Variants in TSHZ2 observed in about 807,000 individuals in gnomAD.
The protein encoded by TSHZ2 is teashirt zinc finger homeobox 2.
TSHZ2 carries 21 observed loss-of-function variants against 74.4 expected under a neutral mutation model. That is an observed-to-expected ratio of 0.28 (90% CI 0.20 to 0.41). The LOEUF (loss-of-function observed/expected upper bound fraction) is 0.41, where lower values mean the gene tolerates loss of function less well. Ranked by LOEUF, TSHZ2 falls within the 10% of genes least tolerant of loss-of-function variation. TSHZ2 has a pLI of 1.00. For missense variants in TSHZ2, 1,244 were observed against 1,293.5 expected, an observed-to-expected ratio of 0.96 and a Z score of 0.59; for synonymous variants, 540 against 515.3, an observed-to-expected ratio of 1.05 and a Z score of -0.65.
intron 2 of TSHZ2, among the ~76,000 whole-genome samples, chr20:53,483,517 C>A (rs945928708): frequency 1.3e-5 from 2 of 151,994 alleles, no homozygotes; most frequent in African/African-American, 4.8e-5. Flanking sequence ...TCCCCCACCT[C>A]CCCCATCCCC....
chr20:53,479,731 C>T (rs1301008706), intron 2 of TSHZ2, among the ~76,000 whole-genome samples: 4 of 152,176 alleles, frequency 2.6e-5, no homozygotes, highest in African/African-American at 9.7e-5. Flanking sequence ...TCCTCCACGC[C>T]CAATGGGCAT....
chr20:53,085,990 C>T (rs138357011), intron 1 of TSHZ2, among the ~76,000 whole-genome samples: 11 of 152,288 alleles, frequency 7.2e-5, no homozygotes, highest in African/African-American at 2.4e-4. Flanking sequence ...GTGCATGTGG[C>T]ATGGTCTCCA....
intron 1 of TSHZ2, among the ~76,000 whole-genome samples, chr20:53,250,835 G>GAA (rs561849899): frequency 4.0e-5 from 5 of 125,836 alleles, no homozygotes; most frequent in African/African-American, 8.8e-5. Context: ...ATGTCAGTGG[G>GAA]AAAAAAAAAA....
At chr20:53,047,759 A>G (rs1169667625) in intron 1 of TSHZ2, among the ~76,000 whole-genome samples, 1 of 152,162 alleles carries the variant, frequency 6.6e-6, no homozygotes, top group Non-Finnish European at 1.5e-5. Context: ...AGGATGTGAT[A>G]AGAGAGTGTC....
At chr20:53,269,813 G>GAA (rs1990797273) in intron 2 of TSHZ2, among the ~76,000 whole-genome samples, 1 of 144,080 alleles carries the variant, frequency 6.9e-6, no homozygotes, top group Non-Finnish European at 1.5e-5. Context: ...AAAAAGAAAA[G>GAA]AAAATCCATG....
At chr20:53,214,044 A>T (rs982658763) in intron 1 of TSHZ2, among the ~76,000 whole-genome samples, 1 of 152,238 alleles carries the variant, frequency 6.6e-6, no homozygotes, top group Admixed American at 6.5e-5. Flanking sequence ...ATTGCTTCAA[A>T]TTCAGTGTGA....
At chr20:53,287,180 C>A (rs1399540046) in intron 2 of TSHZ2, among the ~76,000 whole-genome samples, 2 of 152,086 alleles carry the variant, frequency 1.3e-5, no homozygotes, top group Admixed American at 1.3e-4. Context: ...ATATACTGAA[C>A]TTTTTCAAGG....
At chr20:53,175,164 G>A (rs1389969022) in intron 1 of TSHZ2, among the ~76,000 whole-genome samples, 69 of 80,216 alleles carry the variant, frequency 8.6e-4, no homozygotes, top group African/African-American at 2.9e-3. Flanking sequence ...TTTTTTCAAC[G>A]GAGTTTTGCT....
intron 2 of TSHZ2, among the ~76,000 whole-genome samples, chr20:53,268,595 G>A (rs1270663590): frequency 4.6e-5 from 7 of 152,164 alleles, no homozygotes; most frequent in Admixed American, 3.3e-4. Flanking sequence ...CTTGGGGTAG[G>A]CCTCAAAGGC....
At chr20:53,185,639 AG>A in intron 1 of TSHZ2, 1 of 1,536,048 alleles carries the variant, frequency 6.5e-7, no homozygotes, top group Non-Finnish European at 8.7e-7. Context: ...AAAAAAAGAA[AG>A]AAAAGATGAT....
At chr20:53,190,914 G>T (rs775581163) in intron 1 of TSHZ2, among the ~76,000 whole-genome samples, 4 of 152,164 alleles carry the variant, frequency 2.6e-5, no homozygotes, top group Non-Finnish European at 4.4e-5. Flanking sequence ...GGGGGTCCCA[G>T]GGTACATTTT....
intron 2 of TSHZ2, among the ~76,000 whole-genome samples, chr20:53,257,030 TA>T (rs1168734083): frequency 7.0e-4 from 107 of 152,384 alleles, no homozygotes; most frequent in African/African-American, 2.5e-3. Context: ...TAGAAGTAGT[TA>T]CTATATAGAG....
At chr20:53,365,350 G>A (rs1981220143) in intron 2 of TSHZ2, among the ~76,000 whole-genome samples, 1 of 152,174 alleles carries the variant, frequency 6.6e-6, no homozygotes. Context: ...GCTTGGGGGG[G>A]TCGGGGGAGG....
At chr20:53,269,246 C>A (rs1990779375) in intron 2 of TSHZ2, among the ~76,000 whole-genome samples, 1 of 149,836 alleles carries the variant, frequency 6.7e-6, no homozygotes. Context: ...GAAAAAAACC[C>A]TTTCATTTAC....
chr20:53,414,659 TA>T (rs59652873), intron 2 of TSHZ2, among the ~76,000 whole-genome samples: 25 of 152,130 alleles, frequency 1.6e-4, no homozygotes, highest in Non-Finnish European at 3.1e-4. Context: ...CCCTATCTCT[TA>T]AAAAAAATTT....
rs542529123 is a variant in TSHZ2, at chr20:53,271,981, C to T, written c.*8+15410C>T. On this transcript the variant is annotated intron_variant, in intron 2 of 2. Transcript: ENST00000371497. ...TGGAGCATTGTTTCCATGAAATTGA[C>T]TTTGCAGGGCTGGGAAGTGAGTGGA... 2.6e-5 allele frequency among the ~76,000 whole-genome samples: 4 copies of T among 151,888 alleles called. No individual in the cohort carries two copies. The South Asian group carries it at 8.3e-4, about 32-fold the overall frequency.
At chr20:53,172,179 T>C (rs2801008) in intron 1 of TSHZ2, among the ~76,000 whole-genome samples, 1 of 152,036 alleles carries the variant, frequency 6.6e-6, no homozygotes, top group Non-Finnish European at 1.5e-5. Flanking sequence ...ATATCAATTT[T>C]GGTTGGTTTT....
At chr20:53,133,224 T>C (rs1987154532) in intron 1 of TSHZ2, among the ~76,000 whole-genome samples, 1 of 152,212 alleles carries the variant, frequency 6.6e-6, no homozygotes, top group Admixed American at 6.5e-5. Context: ...GGTTGGCTTC[T>C]ACATGATCCC....
intron 1 of TSHZ2, among the ~76,000 whole-genome samples, chr20:53,227,318 T>G (rs1014885411): frequency 2.6e-5 from 4 of 152,114 alleles, no homozygotes; most frequent in African/African-American, 9.7e-5. Flanking sequence ...ATAAACATAT[T>G]TGGTGACTGT....
Sources: allele counts gnomAD v4.1 joint callset (sites outside exome capture counted in the v4.1 genomes callset), GRCh38; gene constraint gnomAD v4.1.1; transcripts MANE v1.5; gene names NCBI Gene and HGNC (gene_info 2026-07-23, HGNC 2026-07-21).